Variants in HECW1 observed in about 807,000 individuals in gnomAD.
HECW1 encodes the protein HECT, C2 and WW domain containing E3 ubiquitin protein ligase 1, also known as E3 ubiquitin-protein ligase HECW1.
Under a neutral mutation model 182.3 loss-of-function variants are expected in HECW1, and 61 were observed. The ratio of observed to expected loss-of-function variants is 0.33; its 90% CI spans 0.27 to 0.41. The LOEUF is 0.41. HECW1 is among the 10% of genes least tolerant of loss of function. HECW1 has a pLI of 1.00. For missense variants in HECW1, 1,739 were observed against 2,108.9 expected (o/e 0.82, Z 3.44); for synonymous variants, 859 against 832.6 (o/e 1.03, Z -0.55).
chr7:43,491,174 G>C (rs1467596264), intron 17 of HECW1, among the ~76,000 whole-genome samples: 1 of 152,234 alleles, frequency 6.6e-6, no homozygotes, highest in Non-Finnish European at 1.5e-5. Context: ...AAGCAGGCAG[G>C]CAGTGTGGAA....
chr7:43,493,236 G>C, intron 19 of HECW1, 56 bp downstream of exon 19: 1 of 1,137,642 alleles, frequency 8.8e-7, no homozygotes, highest in Non-Finnish European at 1.3e-6. Context: ...ATTTTTCCCG[G>C]TGGGAAAACA....
intron 16 of HECW1, among the ~76,000 whole-genome samples, chr7:43,475,135 C>A (rs556142396): frequency 1.3e-5 from 2 of 152,012 alleles, no homozygotes; most frequent in African/African-American, 4.8e-5. Flanking sequence ...TATTGTTTTA[C>A]GTATATTTTG....
At chr7:43,523,778 G>A (rs926917503) in intron 24 of HECW1, among the ~76,000 whole-genome samples, 1 of 152,136 alleles carries the variant, frequency 6.6e-6, no homozygotes, top group African/African-American at 2.4e-5. Flanking sequence ...TGATATGAGG[G>A]GGATTAGATA....
At chr7:43,419,590 C>T (rs1455764696) in intron 8 of HECW1, among the ~76,000 whole-genome samples, 1 of 151,912 alleles carries the variant, frequency 6.6e-6, no homozygotes, top group Non-Finnish European at 1.5e-5. Context: ...ACCACATTGA[C>T]AATATAAAGA....
intron 15 of HECW1, among the ~76,000 whole-genome samples, chr7:43,467,486 A>T (rs1380909065): frequency 6.6e-6 from 1 of 151,978 alleles, no homozygotes; most frequent in African/African-American, 2.4e-5. Context: ...CTGGTAACTC[A>T]TGCAAAGGAG....
At position 43,407,720 on chromosome 7, in the gene HECW1, T is replaced by A; in HGVS notation, c.790T>A (p.Trp264Arg). 2 of 1,612,108 alleles carry A rather than the reference T, an allele frequency of 1.2e-6. No homozygotes were observed. The highest frequency in any genetic ancestry group is 2.2e-5 in the South Asian group (2 of 90,926). ...KIIGNTVNPI[W>R]QAEQFSFVSL... ...CATAGGCAACACCGTGAACCCCATCTGGCAGGCCGAGGTGAGTGCTGTGGG... is the reference window on the plus strand; with the variant it reads ...CATAGGCAACACCGTGAACCCCATCAGGCAGGCCGAGGTGAGTGCTGTGGG... The change falls in exon 8 of 30, where the codon TGG becomes AGG. Residue 264 changes from tryptophan to arginine, a missense_variant. Physicochemically the swap from Trp to Arg is moderately radical, Grantham distance 101. This residue lies in a region of HECW1 where 279 missense variants were observed against 353.1 expected (regional missense o/e 0.79). Transcript: ENST00000395891.
intron 5 of HECW1, among the ~76,000 whole-genome samples, chr7:43,358,950 G>T (rs1283184144): frequency 6.7e-6 from 1 of 148,520 alleles, no homozygotes; most frequent in Non-Finnish European, 1.5e-5. Flanking sequence ...TCAGCCTTCC[G>T]AAGTAGCTGG....
chr7:43,435,152 T>C (rs1235262360), intron 8 of HECW1, among the ~76,000 whole-genome samples: 2 of 150,618 alleles, frequency 1.3e-5, no homozygotes, highest in Non-Finnish European at 3.0e-5. Context: ...TATATTTATA[T>C]ATAAATTATT....
chr7:43,407,426 C>G (rs1199362524), intron 7 of HECW1, 136 bp from the exon 8 acceptor site: 1 of 625,438 alleles, frequency 1.6e-6, no homozygotes. Context: ...TCACCCCAGC[C>G]TGTTTACCTG....
intron 2 of HECW1, among the ~76,000 whole-genome samples, chr7:43,227,788 A>C (rs1227760225): frequency 1.3e-5 from 2 of 152,244 alleles, no homozygotes; most frequent in Non-Finnish European, 2.9e-5. Context: ...ACCATAATGA[A>C]CAAAATGTGA....
At chr7:43,516,820 A>G (rs2080175139) in intron 24 of HECW1, among the ~76,000 whole-genome samples, 1 of 152,208 alleles carries the variant, frequency 6.6e-6, no homozygotes, top group Admixed American at 6.5e-5. Flanking sequence ...GCTATAGCCT[A>G]TTGCTCCTGG....
chr7:43,499,160 A>G (rs1009940024), intron 19 of HECW1, among the ~76,000 whole-genome samples: 1 of 152,082 alleles, frequency 6.6e-6, no homozygotes, highest in African/African-American at 2.4e-5. Context: ...GTGCGTTTGT[A>G]GTCCCAGCTA....
chr7:43,172,224 G>A (rs1487320117), intron 2 of HECW1, among the ~76,000 whole-genome samples: 1 of 151,988 alleles, frequency 6.6e-6, no homozygotes, highest in Non-Finnish European at 1.5e-5. Flanking sequence ...AACCCAGGAG[G>A]TGGAGGTTGC....
chr7:43,329,866 C>T (rs997540433), intron 5 of HECW1, among the ~76,000 whole-genome samples: 113 of 152,100 alleles, frequency 7.4e-4, no homozygotes, highest in African/African-American at 2.6e-3. Context: ...GCAAGGCAGT[C>T]GTTTACCCAG....
At chr7:43,405,622 G>C (rs1391335197) in intron 7 of HECW1, among the ~76,000 whole-genome samples, 3 of 152,256 alleles carry the variant, frequency 2.0e-5, no homozygotes, top group African/African-American at 7.2e-5. Flanking sequence ...CTGGTCATGT[G>C]TGCATCTTCT....
intron 2 of HECW1, among the ~76,000 whole-genome samples, chr7:43,221,251 G>T (rs1486355799): frequency 1.3e-5 from 2 of 152,128 alleles, no homozygotes; most frequent in Non-Finnish European, 2.9e-5. Flanking sequence ...ACATACACTA[G>T]AAGAATGTGA....
intron 2 of HECW1, among the ~76,000 whole-genome samples, chr7:43,145,599 G>T (rs1300324010): frequency 2.0e-5 from 3 of 152,152 alleles, no homozygotes; most frequent in Admixed American, 6.5e-5. Flanking sequence ...ATATCTTCAT[G>T]AACAGCTTCT....
At chr7:43,342,847 A>C (rs1813167957) in intron 5 of HECW1, among the ~76,000 whole-genome samples, 1 of 145,892 alleles carries the variant, frequency 6.9e-6, no homozygotes, top group Non-Finnish European at 1.5e-5. Context: ...AACACAGGGA[A>C]ACCCTGTCTC....
intron 19 of HECW1, 139 bp downstream of exon 19, chr7:43,493,319 G>A: frequency 3.5e-6 from 2 of 578,592 alleles, no homozygotes; most frequent in Non-Finnish European, 6.1e-6. Flanking sequence ...GAATCCTCAA[G>A]ATGAAGGGTT....
Sources: gnomAD v4.1 joint callset for allele counts (sites outside exome capture counted in the v4.1 genomes callset) on GRCh38, gnomAD v4.1.1 for gene constraint, gnomAD v4.1.1 regional missense constraint, MANE v1.5 for transcripts, NCBI Gene and HGNC (gene_info 2026-07-23, HGNC 2026-07-21) for gene names.